The following BTBD7 variants were observed in gnomAD, a reference collection of about 807,000 sequenced individuals.
BTBD7 encodes BTB/POZ domain-containing protein 7.
BTBD7 carries 38 observed loss-of-function variants against 99.9 expected under a neutral mutation model. That is an observed-to-expected ratio of 0.38 (90% confidence interval 0.29 to 0.50). The LOEUF (loss-of-function observed/expected upper bound fraction) is 0.50, where lower values mean the gene tolerates loss of function less well. Among genes scored for constraint, BTBD7 ranks in the 20% least tolerant of loss-of-function variants. The pLI is 0.93. For missense variants in BTBD7, 1,170 were observed against 1,394.6 expected (o/e 0.84, Z 2.57); for synonymous variants, 520 against 511.4 (o/e 1.02, Z -0.23).
chr14:93,303,463 A>T (rs1201714938), intron 1 of BTBD7, among the ~76,000 whole-genome samples: 1 of 152,022 alleles, frequency 6.6e-6, no homozygotes, highest in African/African-American at 2.4e-5. Flanking sequence ...AAAAAAAAAA[A>T]TAAAAAAGAT....
intron 4 of BTBD7, among the ~76,000 whole-genome samples, chr14:93,263,403 C>T (rs1184265479): frequency 6.6e-6 from 1 of 152,214 alleles, no homozygotes; most frequent in African/African-American, 2.4e-5. Context: ...TTACTTTGTG[C>T]TGCTGAAGCT....
intron 3 of BTBD7, chr14:93,288,862 G>T: frequency 8.9e-7 from 1 of 1,124,946 alleles, no homozygotes; most frequent in Non-Finnish European, 1.2e-6. Context: ...TATTTGCCTG[G>T]CTGGTATTAC....
intron 1 of BTBD7, among the ~76,000 whole-genome samples, chr14:93,323,926 A>C (rs1566866940): frequency 6.6e-6 from 1 of 152,240 alleles, no homozygotes; most frequent in African/African-American, 2.4e-5. Flanking sequence ...GTTGTGTGAC[A>C]CTATTAGACA....
intron 3 of BTBD7, among the ~76,000 whole-genome samples, chr14:93,265,252 GATA>G (rs2052529358): frequency 1.3e-5 from 2 of 152,210 alleles, no homozygotes; most frequent in African/African-American, 4.8e-5. Context: ...AGTGATAGAA[GATA>G]ATGAGTAGCA....
chr14:93,294,066 G>A lies in BTBD7; in HGVS notation c.954C>T (p.Ser318=). 6.2e-7 allele frequency: 1 copy of A among 1,613,914 alleles called. No homozygotes were observed. Among genetic ancestry groups the A allele is most frequent in the Non-Finnish European group, 8.5e-7 (1 of 1,179,924 alleles). Residue 318 remains serine, a synonymous_variant, in exon 3 of 11, where the codon TCC becomes TCT. Transcript: ENST00000334746. ...RTPTRIILDE[S]IIPKKYATVI... is the part of the protein sequence containing the mutation. ...CTGTTGCATATTTTTTTGGTATAAT[G>A]GACTCATCTAATATAATTCTTGTGG...
At position 93,300,784 on chromosome 14, in the gene BTBD7, A is replaced by AT. The variant is rs1345933223; in HGVS notation, c.-106-4628dup. On this transcript the variant is annotated intron_variant, in intron 1 of 10. Coordinates refer to ENST00000334746, the MANE Select transcript of BTBD7 (RefSeq NM_001002860.4). The stretch of plus-strand genomic sequence containing the variant: ...TGTGTGTGTGTGTGTATATATATAT[A>AT]TATTTTTTTTTTGTAGAGATAGGGT... Among the ~76,000 whole-genome samples, 29 of 70,204 alleles carry AT rather than the reference A, an allele frequency of 4.1e-4. 3 individuals are homozygous for AT. The highest frequency in any genetic ancestry group is 1.4e-3 in the African/African-American group (22 of 15,512). 46.1% of individuals were successfully genotyped at this position (70,204 alleles called of 152,430 possible).
At chr14:93,316,774 T>C (rs2053211804) in intron 1 of BTBD7, among the ~76,000 whole-genome samples, 1 of 152,214 alleles carries the variant, frequency 6.6e-6, no homozygotes, top group African/African-American at 2.4e-5. Context: ...GGACAGTTCA[T>C]ATTCAAGATG....
At chr14:93,246,343 A>G in intron 9 of BTBD7, 57 bp from the exon 10 acceptor site, 4 of 1,456,228 alleles carry the variant, frequency 2.7e-6, no homozygotes, top group South Asian at 3.0e-5. Context: ...TCATAAGTGG[A>G]AATTTATAGG....
intron 1 of BTBD7, among the ~76,000 whole-genome samples, chr14:93,326,722 T>C (rs2053338314): frequency 1.3e-5 from 2 of 149,104 alleles, no homozygotes; most frequent in Admixed American, 6.7e-5. Context: ...GAGAATCACT[T>C]GAACCTGGGA....
intron 1 of BTBD7, among the ~76,000 whole-genome samples, chr14:93,298,046 TC>T (rs886704916): frequency 6.8e-6 from 1 of 146,198 alleles, no homozygotes; most frequent in Admixed American, 7.0e-5. Context: ...GATTATTATT[TC>T]TTTTTTTTGT....
At chr14:93,308,831 G>A (rs571359218) in intron 1 of BTBD7, among the ~76,000 whole-genome samples, 12 of 152,212 alleles carry the variant, frequency 7.9e-5, no homozygotes, top group Non-Finnish European at 1.6e-4. Context: ...AATGATGGTT[G>A]TCAGGGGCTG....
chr14:93,289,942 T>A (rs939874772), intron 3 of BTBD7, among the ~76,000 whole-genome samples: 1 of 148,100 alleles, frequency 6.8e-6, no homozygotes, highest in African/African-American at 2.5e-5. Flanking sequence ...CTGCAACCTC[T>A]GCCTCCTAGG....
At chr14:93,255,099 C>A (rs2052414322) in intron 6 of BTBD7, among the ~76,000 whole-genome samples, 1 of 152,080 alleles carries the variant, frequency 6.6e-6, no homozygotes, top group Non-Finnish European at 1.5e-5. Context: ...AAAGTCAATA[C>A]TCATTACAAC....
intron 3 of BTBD7, among the ~76,000 whole-genome samples, chr14:93,290,713 T>G (rs895266453): frequency 2.0e-5 from 3 of 148,550 alleles, no homozygotes; most frequent in Non-Finnish European, 4.5e-5. Context: ...TTTTTTGAGA[T>G]GGAGACTCAC....
At chr14:93,323,073 T>C (rs1234095421) in intron 1 of BTBD7, among the ~76,000 whole-genome samples, 1 of 152,008 alleles carries the variant, frequency 6.6e-6, no homozygotes, top group Non-Finnish European at 1.5e-5. Flanking sequence ...CGGTGAGCTA[T>C]GATAGGGCCA....
intron 3 of BTBD7, among the ~76,000 whole-genome samples, chr14:93,284,935 TTATA>T (rs933220586): frequency 4.6e-5 from 7 of 151,930 alleles, no homozygotes; most frequent in Non-Finnish European, 7.4e-5. Flanking sequence ...AGATGCAATA[TTATA>T]TATATAAACT....
intron 1 of BTBD7, among the ~76,000 whole-genome samples, chr14:93,326,343 C>T (rs2053330697): frequency 6.6e-6 from 1 of 152,036 alleles, no homozygotes; most frequent in South Asian, 2.1e-4. Context: ...GGCACATGCC[C>T]ATAGTCCCAG....
chr14:93,247,020 T>TC (rs2052319338), intron 9 of BTBD7, among the ~76,000 whole-genome samples: 1 of 152,202 alleles, frequency 6.6e-6, no homozygotes, highest in African/African-American at 2.4e-5. Context: ...CCATGTTTAT[T>TC]CATTCATTCA....
chr14:93,252,178 C>T (rs1215946175), intron 7 of BTBD7, among the ~76,000 whole-genome samples: 16 of 151,886 alleles, frequency 1.1e-4, no homozygotes, highest in Non-Finnish European at 2.1e-4. Context: ...GATGTGGTGG[C>T]GGGTGCCTAT....
Sources: gnomAD v4.1 joint callset for allele counts (sites outside exome capture counted in the v4.1 genomes callset) on GRCh38, gnomAD v4.1.1 for gene constraint, MANE v1.5 for transcripts, NCBI Gene and HGNC (gene_info 2026-07-23, HGNC 2026-07-21) for gene names.